Variants in ACOT1 observed in about 807,000 individuals in gnomAD.
The protein encoded by ACOT1 is acyl-coenzyme A thioesterase 1.
Under a neutral mutation model 15.7 loss-of-function variants are expected in ACOT1, and 8 were observed. The ratio of observed to expected loss-of-function variants is 0.51; its 90% confidence interval spans 0.30 to 0.92. The LOEUF (loss-of-function observed/expected upper bound fraction) is 0.92, where lower values mean the gene tolerates loss of function less well. ACOT1 is among the 40% of genes least tolerant of loss of function. The probability of loss-of-function intolerance (pLI) is 0.06; values close to 1 mark genes in which losing one functional copy is unlikely to be tolerated. For synonymous variants in ACOT1, 67 were observed against 241.2 expected, an observed-to-expected ratio of 0.28 and a Z score of 6.69; for missense variants, 151 against 539.4, an observed-to-expected ratio of 0.28 and a Z score of 7.13.
At chr14:73,532,037 A>C in the ACOT1 span, among the ~76,000 whole-genome samples, 3 of 113,626 alleles carry the variant, frequency 2.6e-5, 1 homozygote, top group Non-Finnish European at 5.7e-5. Flanking sequence ...AGTCTCAAAA[A>C]ATAAAAATAA....
the ACOT1 span, chr14:73,517,198 T>TCCAGGTGCGTGCCACC: frequency 6.6e-6 from 1 of 152,294 alleles, no homozygotes; most frequent in Non-Finnish European, 1.5e-5. Flanking sequence ...TGGCTGGGAC[T>TCCAGGTGCGTGCCACC]CCAGGTGCGT....
chr14:73,518,958 T>A, the ACOT1 span: 3 of 1,508,600 alleles, frequency 2.0e-6, no homozygotes, highest in Non-Finnish European at 2.7e-6. Flanking sequence ...GAATAGTGGG[T>A]AATGATGGGA....
In ACOT1 at chr14:73,538,002, C is replaced by G; in HGVS notation, c.457+124C>G. 6 of 838,710 alleles carry G rather than the reference C, an allele frequency of 7.2e-6. 2 individuals carry two copies. The highest frequency in any genetic ancestry group is 1.9e-5 in the African/African-American group (1 of 51,342). The allele number at this position is 838,710 out of a possible 1,614,324, so 52.0% of individuals were successfully genotyped here. ...TCGCTTGTGTGTGTGTCCCTCCTCC[C>G]GCCCCACCACCACCACCCCGGGCTA... is the stretch of plus-strand genomic sequence containing the variant. On this transcript the variant is annotated intron_variant, in intron 1 of 2. Coordinates refer to ENST00000311148, the MANE Select transcript of ACOT1 (RefSeq NM_001037161.2).
chr14:73,497,777 C>T, the ACOT1 span, among the ~76,000 whole-genome samples: 1 of 151,998 alleles, frequency 6.6e-6, no homozygotes, highest in East Asian at 1.9e-4. Context: ...CAGGCATGTG[C>T]CACCATGCCT....
At chr14:73,525,212 T>C in the ACOT1 span, among the ~76,000 whole-genome samples, 3 of 152,086 alleles carry the variant, frequency 2.0e-5, no homozygotes, top group East Asian at 5.8e-4. Flanking sequence ...TTTTTTATTT[T>C]TAATAGAGAT....
the ACOT1 span, chr14:73,491,347 C>A: frequency 6.9e-7 from 1 of 1,439,196 alleles, no homozygotes; most frequent in South Asian, 1.4e-5. Context: ...AGGCCTCGCC[C>A]GCCGCGCGCT....
the ACOT1 span, among the ~76,000 whole-genome samples, chr14:73,529,832 C>T: frequency 6.6e-6 from 1 of 151,196 alleles, no homozygotes; most frequent in African/African-American, 2.4e-5. Flanking sequence ...GCCTTAGTAT[C>T]AGTATCTTCT....
At chr14:73,515,382 A>G in the ACOT1 span, among the ~76,000 whole-genome samples, 1 of 152,028 alleles carries the variant, frequency 6.6e-6, no homozygotes, top group Non-Finnish European at 1.5e-5. Context: ...CTTCTAATGT[A>G]AAAAGAGTCC....
chr14:73,520,635 A>T, the ACOT1 span: 1 of 485,708 alleles, frequency 2.1e-6, no homozygotes, highest in Non-Finnish European at 3.6e-6. Context: ...AGATAGAGGG[A>T]TAGAGAAAGC....
the ACOT1 span, among the ~76,000 whole-genome samples, chr14:73,523,989 TA>T: frequency 6.6e-6 from 1 of 152,080 alleles, no homozygotes. Context: ...TTTTTATTGT[TA>T]AAATATTTAA....
chr14:73,496,688 T>C, the ACOT1 span: 1 of 1,438,508 alleles, frequency 7.0e-7, no homozygotes, highest in South Asian at 1.1e-5. Flanking sequence ...CTCTGAAAGA[T>C]AAGAAGGGCT....
chr14:73,521,872 T>C, the ACOT1 span, among the ~76,000 whole-genome samples: 1 of 152,218 alleles, frequency 6.6e-6, no homozygotes, highest in Admixed American at 6.5e-5. Context: ...AGCAGTCTGA[T>C]GGCAAAGTCT....
the ACOT1 span, among the ~76,000 whole-genome samples, chr14:73,504,158 A>G: frequency 5.4e-5 from 8 of 149,024 alleles, no homozygotes; most frequent in Non-Finnish European, 1.2e-4. Flanking sequence ...GCTCACTGCA[A>G]CCTCCGCCTC....
chr14:73,524,308 A>ATATATATATATATATAT, the ACOT1 span, among the ~76,000 whole-genome samples: 6 of 83,570 alleles, frequency 7.2e-5, no homozygotes, highest in South Asian at 4.4e-4. Flanking sequence ...AAAAAAAAAA[A>ATATATATATATATATAT]AAATATATAT....
At chr14:73,503,461 C>T in the ACOT1 span, among the ~76,000 whole-genome samples, 2 of 152,150 alleles carry the variant, frequency 1.3e-5, no homozygotes, top group African/African-American at 4.8e-5. Context: ...TCTATAAGTG[C>T]ACTTCTCTCA....
At chr14:73,499,496 A>G in the ACOT1 span, among the ~76,000 whole-genome samples, 15 of 152,168 alleles carry the variant, frequency 9.9e-5, no homozygotes, top group South Asian at 2.7e-3. Context: ...GCAAAAAAAC[A>G]AAACAAAGCA....
At chr14:73,506,465 A>G in the ACOT1 span, 5 of 1,611,570 alleles carry the variant, frequency 3.1e-6, no homozygotes, top group African/African-American at 2.7e-5. Flanking sequence ...AAAGAGGTTT[A>G]CCAAGCAGAC....
chr14:73,491,236 C>T, the ACOT1 span: 3 of 1,589,246 alleles, frequency 1.9e-6, no homozygotes, highest in Admixed American at 1.7e-5. Context: ...CGACGGCCGA[C>T]GACCTGGGGG....
chr14:73,508,412 C>T, the ACOT1 span: 1 of 799,598 alleles, frequency 1.3e-6, no homozygotes, highest in Non-Finnish European at 2.0e-6. Flanking sequence ...CCTTGTGCCC[C>T]ACTCAGTCTA....
Sources: gnomAD v4.1 joint callset for allele counts (sites outside exome capture counted in the v4.1 genomes callset) on GRCh38, gnomAD v4.1.1 for gene constraint, MANE v1.5 for transcripts, NCBI Gene and HGNC (gene_info 2026-07-23, HGNC 2026-07-21) for gene names.